The following PGM3 variants were observed in gnomAD, a reference collection of about 807,000 sequenced individuals.
PGM3 encodes phosphoacetylglucosamine mutase.
In PGM3, 40 loss-of-function variants were observed where a neutral mutation model predicts 66.2. The ratio of observed to expected loss-of-function variants is 0.60; its 90% CI spans 0.47 to 0.79. The LOEUF (loss-of-function observed/expected upper bound fraction) is 0.79, where lower values mean the gene tolerates loss of function less well. Among genes scored for constraint, PGM3 ranks in the 30% least tolerant of loss-of-function variants. The pLI is 0.00. For synonymous variants in PGM3, 191 were observed against 224.2 expected (o/e 0.85, Z 1.32); for missense variants, 537 against 643.4 (o/e 0.83, Z 1.79).
the PGM3 span, chr6:83,151,942 G>A: frequency 6.2e-7 from 1 of 1,613,848 alleles, no homozygotes; most frequent in African/African-American, 1.3e-5. Context: ...CTCTGGAACA[G>A]ACAACATGGC....
chr6:83,174,015 C>T (rs1452253338), intron 10 of PGM3, among the ~76,000 whole-genome samples: 2 of 152,064 alleles, frequency 1.3e-5, no homozygotes, highest in Admixed American at 6.5e-5. Flanking sequence ...GGATTACAGG[C>T]ATGAGCCACC....
chr6:83,179,747 A>G, intron 7 of PGM3, 63 bp downstream of exon 7: 1 of 1,272,524 alleles, frequency 7.9e-7, no homozygotes, highest in Non-Finnish European at 1.1e-6. Flanking sequence ...AAATGATTGT[A>G]AAATATGGAA....
At chr6:83,158,583 T>C, downstream of PGM3, 1 of 1,606,956 alleles carries the variant, frequency 6.2e-7, no homozygotes. Flanking sequence ...GTATTTTTAC[T>C]GATGGAGCAG....
chr6:83,173,568 T>C (rs1467181733), intron 10 of PGM3, among the ~76,000 whole-genome samples: 1 of 152,156 alleles, frequency 6.6e-6, no homozygotes, highest in East Asian at 1.9e-4. Flanking sequence ...CACCTCTCCC[T>C]GTGTTACTGT....
chr6:83,185,160 G>C (rs1788478410), intron 4 of PGM3, among the ~76,000 whole-genome samples: 1 of 152,198 alleles, frequency 6.6e-6, no homozygotes, highest in Admixed American at 6.5e-5. Context: ...GACAGAAGCA[G>C]GCCACCTAAG....
rs1785204153 is a variant in PGM3, at chr6:83,165,290, A to T, written c.*3944T>A. Reference sequence around the variant, plus strand: ...TTATATATCCTGTAATCTAGACTGGAAGCTAAATAATTGCTAGGAAGCAAA... The same window carrying T: ...TTATATATCCTGTAATCTAGACTGGTAGCTAAATAATTGCTAGGAAGCAAA... On this transcript the variant is annotated 3_prime_UTR_variant, in exon 13 of 13. Transcript: ENST00000513973. 1 of 152,484 alleles carries T rather than the reference A, an allele frequency of 6.6e-6. No homozygotes were observed. The allele number at this position is 152,484 out of a possible 1,614,324, so 9.4% of individuals were successfully genotyped here.
At position 83,176,050 on chromosome 6, in the gene PGM3, TAG is replaced by T; in HGVS notation, c.1038_1039del (p.Tyr347LeufsTer3). 1.3e-6 allele frequency: 2 copies of T among 1,573,662 alleles called. No homozygotes were observed. The highest frequency in any genetic ancestry group is 1.7e-6 in the Non-Finnish European group (2 of 1,143,324). The stretch of plus-strand genomic sequence containing the variant: ...ATGTTTTACACCAGTCTTAGTGCAA[TAG>T]ACAGGTACCTATAACACATGCATTT... On this transcript the variant is annotated frameshift_variant, in exon 9 of 13. Transcript: ENST00000513973. LOFTEE classifies it high-confidence loss of function.
chr6:83,155,689 A>T, the PGM3 span, among the ~76,000 whole-genome samples: 1 of 152,192 alleles, frequency 6.6e-6, no homozygotes, highest in Non-Finnish European at 1.5e-5. Flanking sequence ...AGGGTTTTAT[A>T]TAAATGGTAT....
chr6:83,156,841 TTTAAG>T (rs1191436367), downstream of PGM3, among the ~76,000 whole-genome samples: 1 of 152,140 alleles, frequency 6.6e-6, no homozygotes, highest in Non-Finnish European at 1.5e-5. Flanking sequence ...ATTTTTTTTG[TTTAAG>T]TTGACTAGAT....
chr6:83,182,021 A>T, intron 5 of PGM3, 90 bp from the exon 6 acceptor site: 9 of 604,320 alleles, frequency 1.5e-5, no homozygotes, highest in Non-Finnish European at 2.4e-5. Context: ...TGCATATGTA[A>T]ATATTTAGTT....
At chr6:83,155,487 A>G in the PGM3 span, among the ~76,000 whole-genome samples, 1 of 152,052 alleles carries the variant, frequency 6.6e-6, no homozygotes, top group East Asian at 1.9e-4. Context: ...TAAATTGCAA[A>G]GGTCTTGGGA....
At chr6:83,180,172 A>G (rs996890616) in intron 6 of PGM3, among the ~76,000 whole-genome samples, 2 of 152,206 alleles carry the variant, frequency 1.3e-5, no homozygotes, top group Non-Finnish European at 2.9e-5. Flanking sequence ...TTCAAAATCT[A>G]TGCTGATATT....
chr6:83,164,587 A>G, downstream of PGM3: 1 of 1,414,150 alleles, frequency 7.1e-7, no homozygotes, highest in South Asian at 1.2e-5. Flanking sequence ...AAATCACCTT[A>G]AACAAGGTCT....
downstream of PGM3, chr6:83,158,679 G>T: frequency 8.4e-7 from 1 of 1,184,992 alleles, no homozygotes; most frequent in Non-Finnish European, 1.2e-6. Context: ...AAATTATTCA[G>T]AATATTACTC....
intron 8 of PGM3, chr6:83,176,270 A>G (rs1019370430): frequency 8.7e-6 from 4 of 462,252 alleles, no homozygotes; most frequent in Middle Eastern, 5.9e-4. Flanking sequence ...AAGCACGGTG[A>G]GAGAGATGAG....
chr6:83,153,684 C>T, the PGM3 span: 2 of 1,313,174 alleles, frequency 1.5e-6, no homozygotes, highest in Non-Finnish European at 2.1e-6. Context: ...AAGTTCTGTT[C>T]CCTTATTGCC....
downstream of PGM3, chr6:83,158,730 A>G (rs182109974): frequency 8.4e-5 from 63 of 753,596 alleles, 1 homozygote; most frequent in East Asian, 1.8e-3. Context: ...ATACTTATTT[A>G]TTATTATCTA....
intron 9 of PGM3, among the ~76,000 whole-genome samples, chr6:83,175,685 T>C (rs907754324): frequency 6.6e-6 from 1 of 152,290 alleles, no homozygotes; most frequent in African/African-American, 2.4e-5. Flanking sequence ...GGAAAATGCA[T>C]AGACAACATA....
chr6:83,184,761 GACAA>G (rs748819648), intron 4 of PGM3, among the ~76,000 whole-genome samples: 3 of 152,092 alleles, frequency 2.0e-5, no homozygotes, highest in Non-Finnish European at 4.4e-5. Flanking sequence ...TTCTCTCTGT[GACAA>G]ACAGAGGGAC....
Sources: gnomAD v4.1 joint callset for allele counts (sites outside exome capture counted in the v4.1 genomes callset) on GRCh38, gnomAD v4.1.1 for gene constraint, MANE v1.5 for transcripts, NCBI Gene and HGNC (gene_info 2026-07-23, HGNC 2026-07-21) for gene names.